SLC46A3: variants seen among roughly 807,000 people sequenced by gnomAD.
The protein encoded by SLC46A3 is lysosomal proton-coupled steroid conjugate and bile acid symporter SLC46A3.
SLC46A3 carries 26 observed loss-of-function variants against 38.5 expected under a neutral mutation model. That is an observed-to-expected ratio of 0.68 (90% CI 0.49 to 0.94). The LOEUF (loss-of-function observed/expected upper bound fraction) is 0.94. Ranked by LOEUF, SLC46A3 falls within the 40% of genes least tolerant of loss-of-function variation. The pLI, the probability that SLC46A3 is intolerant of heterozygous loss-of-function variation, is 0.00. For synonymous variants in SLC46A3, 185 were observed against 192.5 expected, an observed-to-expected ratio of 0.96 and a Z score of 0.32; for missense variants, 510 against 544.3, an observed-to-expected ratio of 0.94 and a Z score of 0.63.
intron 4 of SLC46A3, among the ~76,000 whole-genome samples, chr13:28,708,614 C>CTTTTTTTTTTTTTT (rs71190788): frequency 4.2e-4 from 54 of 128,222 alleles, no homozygotes; most frequent in Non-Finnish European, 5.2e-4. Flanking sequence ...TTTTTCTTTT[C>CTTTTTTTTTTTTTT]TTTTTTTTTT....
rs758156665 is a variant in SLC46A3 at position 28,704,116 on chromosome 13, T to TAG, written c.1145-19_1145-18dup. The TAG allele has an allele frequency of 1.9e-6, 3 of 1,560,000 alleles. No individual in the cohort carries two copies. Among genetic ancestry groups the TAG allele is most frequent in the African/African-American group, 2.9e-5 (2 of 68,500 alleles). On this transcript the variant is annotated splice_polypyrimidine_tract_variant and intron_variant, in intron 4 of 5. Transcript: ENST00000266943. The stretch of plus-strand genomic sequence containing the variant: ...ACAGGGTACCTGTTTGGAGTAGGGA[T>TAG]AGAGAGAGAGGAAAAAAAAAAGGCA...
Position 28,712,724 on chromosome 13 carries a change from A to G in SLC46A3, c.1016T>C (p.Met339Thr). 2 of 1,608,806 alleles carry G rather than the reference A, an allele frequency of 1.2e-6. No homozygotes were observed. Among genetic ancestry groups the G allele is most frequent in the Non-Finnish European group, 1.7e-6 (2 of 1,178,760 alleles). ...TGTACTGGCAAACGCGGTCATAGCCATTCCTGTCATCGTGGTAAAAATCCC... is the reference window on the plus strand; with the variant it reads ...TGTACTGGCAAACGCGGTCATAGCCGTTCCTGTCATCGTGGTAAAAATCCC... The part of the protein sequence containing the change: ...FIGIFTTMTG[M>T]AMTAFASTTL... Residue 339 changes from methionine (M) to threonine (T), a missense_variant, in exon 3 of 6, where the codon ATG becomes ACG. Physicochemically the swap from Met to Thr is moderately conservative, Grantham distance 81 (BLOSUM62 -1). Coordinates refer to ENST00000266943, the MANE Select transcript of SLC46A3 (RefSeq NM_181785.4).
In SLC46A3 at chr13:28,713,082, C is replaced by A; in HGVS notation, c.658G>T (p.Asp220Tyr). Residue 220 changes from aspartate (D) to tyrosine (Y), a missense_variant, in exon 3 of 6, where the codon GAT becomes TAT. By Grantham distance (160) the Asp-to-Tyr change is radical (BLOSUM62 -3). Transcript: ENST00000266943. Reference protein sequence around the residue: ...NLIYILFFLGDPVKECSSQNV... With the variant: ...NLIYILFFLGYPVKECSSQNV... ...TGAGATGAACACTCTTTCACTGGAT[C>A]TCCGAGAAAAAATAAAATATAGATC... 6.2e-7 allele frequency: 1 copy of A among 1,611,122 alleles called. No homozygotes were observed.
intron 2 of SLC46A3, among the ~76,000 whole-genome samples, chr13:28,715,313 G>A (rs1398426396): frequency 1.3e-5 from 2 of 152,256 alleles, no homozygotes; most frequent in Non-Finnish European, 2.9e-5. Flanking sequence ...TGAGACCACT[G>A]CTGTGGGCAG....
chr13:28,706,556 G>A (rs1054468453), intron 4 of SLC46A3, among the ~76,000 whole-genome samples: 1 of 152,116 alleles, frequency 6.6e-6, no homozygotes, highest in Admixed American at 6.6e-5. Context: ...ATATTTAACA[G>A]TATGATATGA....
chr13:28,701,165 G>C lies in SLC46A3; in HGVS notation c.*332C>G. 1 of 1,414,316 alleles carries C rather than the reference G, an allele frequency of 7.1e-7. No homozygotes were observed. The highest frequency in any genetic ancestry group is 9.2e-7 in the Non-Finnish European group (1 of 1,083,972). 87.6% of individuals were successfully genotyped at this position (1,414,316 alleles called of 1,614,324 possible). A position where few individuals can be genotyped will look rare whatever the true frequency, so the allele number is the denominator to read the frequency against. The stretch of plus-strand genomic sequence containing the variant: ...GTGTAAGAGCCTGGAATATGTCAGA[G>C]AGATTATTGCTTTTGACCTTATCAA... On this transcript the variant is annotated 3_prime_UTR_variant, in exon 6 of 6. Transcript: ENST00000266943.
chr13:28,716,387 T>C (rs1451263091), intron 2 of SLC46A3, among the ~76,000 whole-genome samples: 4 of 151,906 alleles, frequency 2.6e-5, no homozygotes, highest in Non-Finnish European at 5.9e-5. Context: ...TTATGTGTGT[T>C]TTTCTCAACC....
At position 28,713,552 on chromosome 13, in the gene SLC46A3, T is replaced by A. The variant is rs1885435997; in HGVS notation, c.190-2A>T. 1 of 1,598,526 alleles carries A rather than the reference T, an allele frequency of 6.3e-7. No homozygotes were observed. The highest frequency in any genetic ancestry group is 1.3e-5 in the African/African-American group (1 of 74,362). ...ACGTGACACTTTTTTCTGAACTTCC[T>A]GCAAAGAAATATAAAGAAGACAATG... On this transcript the variant is annotated splice_acceptor_variant, in intron 2 of 5. Transcript: ENST00000266943. LOFTEE classifies it high-confidence loss of function.
At chr13:28,702,485 T>G (rs970967375) in intron 5 of SLC46A3, among the ~76,000 whole-genome samples, 1 of 152,142 alleles carries the variant, frequency 6.6e-6, no homozygotes, top group Non-Finnish European at 1.5e-5. Flanking sequence ...CACTATGAAC[T>G]TTGAAAAAAG....
chr13:28,717,484 ACTTTTTTTT>A (rs746589777), intron 2 of SLC46A3, among the ~76,000 whole-genome samples: 4 of 94,174 alleles, frequency 4.2e-5, no homozygotes, highest in Non-Finnish European at 8.4e-5. Context: ...CAATTTTCAG[ACTTTTTTTT>A]TTTTTTTTTT....
chr13:28,705,016 T>C (rs538369652), intron 4 of SLC46A3, among the ~76,000 whole-genome samples: 120 of 152,340 alleles, frequency 7.9e-4, no homozygotes, highest in African/African-American at 2.8e-3. Context: ...CCATGTCAAC[T>C]GAAGAGTTAA....
At chr13:28,716,178 C>T (rs1885523072) in intron 2 of SLC46A3, among the ~76,000 whole-genome samples, 1 of 151,976 alleles carries the variant, frequency 6.6e-6, no homozygotes. Flanking sequence ...TGCATAAATA[C>T]ATAATAAACA....
intron 3 of SLC46A3, among the ~76,000 whole-genome samples, chr13:28,711,404 C>A (rs1349182656): frequency 2.0e-5 from 3 of 146,646 alleles, no homozygotes; most frequent in African/African-American, 7.6e-5. Context: ...AGCCTGGCGA[C>A]AGAGTGAGAC....
intron 4 of SLC46A3, among the ~76,000 whole-genome samples, chr13:28,706,487 C>G (rs932931511): frequency 4.6e-5 from 7 of 151,972 alleles, no homozygotes; most frequent in African/African-American, 1.7e-4. Context: ...AGTCACAATT[C>G]ACAGTTACCG....
At chr13:28,717,484 A>ATT (rs1322198755) in intron 2 of SLC46A3, among the ~76,000 whole-genome samples, 1 of 94,174 alleles carries the variant, frequency 1.1e-5, no homozygotes, top group Non-Finnish European at 2.1e-5. Context: ...CAATTTTCAG[A>ATT]CTTTTTTTTT....
intron 1 of SLC46A3, 100 bp downstream of exon 1, chr13:28,718,396 G>A: frequency 6.3e-6 from 1 of 159,140 alleles, no homozygotes; most frequent in Non-Finnish European, 1.4e-5. Context: ...AGCGACAGTT[G>A]CACAATTGTT....
intron 4 of SLC46A3, among the ~76,000 whole-genome samples, chr13:28,706,862 A>G (rs571503465): frequency 3.3e-5 from 5 of 152,218 alleles, no homozygotes; most frequent in Non-Finnish European, 7.3e-5. Context: ...ACCATCTCAC[A>G]CCAGTTAGAA....
In SLC46A3 at chr13:28,713,508, T is replaced by C. The variant is rs1312295015; in HGVS notation, c.232A>G (p.Ile78Val). The C allele has an allele frequency of 2.5e-6, 4 of 1,610,532 alleles. No individual in the cohort carries two copies. Among genetic ancestry groups the C allele is most frequent in the Non-Finnish European group, 3.4e-6 (4 of 1,177,080 alleles). The change falls in exon 3 of 6, where the codon ATA becomes GTA. Residue 78 changes from isoleucine (I) to valine (V), a missense_variant. Coordinates refer to ENST00000266943, the MANE Select transcript of SLC46A3 (RefSeq NM_181785.4). ...ACTAGACCAGGAATTAATCCACTTATGTCCATCTGCAGATTAAAACGTGAC... is the reference window on the plus strand; with the variant it reads ...ACTAGACCAGGAATTAATCCACTTACGTCCATCTGCAGATTAAAACGTGAC... ...KVSRFNLQMD[I>V]SGLIPGLVST...
rs1885577612 is a variant in SLC46A3, at chr13:28,717,881, T to C, written c.118A>G (p.Thr40Ala). ...RRIWEETGNY[T>A]FSSDSNISEC... ...GAAATATTGCTATCAGATGAAAAAG[T>C]GTAGTTGCCAGTTTCTTCCCATATT... Residue 40 changes from threonine to alanine, a missense_variant, in exon 2 of 6, where the codon ACT becomes GCT. By Grantham distance (58) the Thr-to-Ala change is moderately conservative. Transcript: ENST00000266943. 1.2e-6 allele frequency: 2 copies of C among 1,614,074 alleles called. No individual in the cohort carries two copies. Among genetic ancestry groups the C allele is most frequent in the African/African-American group, 1.3e-5 (1 of 74,946 alleles).
Sources: allele counts gnomAD v4.1 joint callset (sites outside exome capture counted in the v4.1 genomes callset), GRCh38; gene constraint gnomAD v4.1.1; transcripts MANE v1.5; gene names NCBI Gene and HGNC (gene_info 2026-07-23, HGNC 2026-07-21).